Variants in LAMA1 observed in about 807,000 individuals in gnomAD.
LAMA1 encodes laminin subunit alpha-1.
A neutral mutation model predicts 348.7 loss-of-function variants in LAMA1; 219 were observed. That is an observed-to-expected ratio of 0.63 (90% confidence interval 0.56 to 0.70). The LOEUF (loss-of-function observed/expected upper bound fraction) is 0.70, where lower values mean the gene tolerates loss of function less well. Among genes scored for constraint, LAMA1 ranks in the 30% least tolerant of loss-of-function variants. The pLI is 0.00. For synonymous variants in LAMA1, 1,487 were observed against 1,491.0 expected, an observed-to-expected ratio of 1.00 and a Z score of 0.06; for missense variants, 3,744 against 3,888.0, an observed-to-expected ratio of 0.96 and a Z score of 0.99.
chr18:7,074,341 AAC>A (rs2058158302), intron 3 of LAMA1, among the ~76,000 whole-genome samples: 1 of 152,210 alleles, frequency 6.6e-6, no homozygotes, highest in African/African-American at 2.4e-5. Context: ...TTTTCATCTC[AAC>A]AGTGTATTAA....
At chr18:6,996,434 C>T (rs976846992) in intron 33 of LAMA1, among the ~76,000 whole-genome samples, 7 of 152,128 alleles carry the variant, frequency 4.6e-5, no homozygotes, top group African/African-American at 7.2e-5. Context: ...CAAATTCTAA[C>T]GCATATATAA....
intron 44 of LAMA1, among the ~76,000 whole-genome samples, chr18:6,976,334 T>A (rs2057682125): frequency 6.6e-6 from 1 of 152,204 alleles, no homozygotes; most frequent in Admixed American, 6.5e-5. Context: ...CTTGCTCATA[T>A]AAGATTTAAT....
intron 3 of LAMA1, among the ~76,000 whole-genome samples, chr18:7,065,250 A>AAAAAAAAC (rs1467543523): frequency 3.7e-4 from 56 of 149,946 alleles, no homozygotes; most frequent in African/African-American, 1.3e-3. Context: ...AAAAAAAAAA[A>AAAAAAAAC]AAACAACGAC....
chr18:6,945,599 T>C (rs2057518036), intron 61 of LAMA1, among the ~76,000 whole-genome samples: 1 of 152,028 alleles, frequency 6.6e-6, no homozygotes, highest in Non-Finnish European at 1.5e-5. Context: ...AAAATGTAGT[T>C]AGGTAGAGAG....
rs778084183 is a variant in LAMA1 at position 6,978,264 on chromosome 18, G to A, written c.6122C>T (p.Ala2041Val). Residue 2041 changes from alanine (A) to valine (V), a missense_variant, in exon 43 of 63, where the codon GCC (alanine) becomes GTC (valine). Around this residue, in one of 3 missense-constraint regions of LAMA1, gnomAD observed 1,983 missense variants for 1,934.3 expected, o/e 1.03. Transcript: ENST00000389658. Reference sequence around the variant, plus strand: ...TGTGGTGTTGACCCTGGACAGGCTGGCAGATGTGTTCAGCAGCTCCTGGCT... The same window carrying A: ...TGTGGTGTTGACCCTGGACAGGCTGACAGATGTGTTCAGCAGCTCCTGGCT... ...GLSQELLNTS[A>V]SLSRVNTTLR... The A allele has an allele frequency of 7.4e-6, 12 of 1,614,098 alleles. No individual in the cohort carries two copies. The Admixed American group carries it at 2.0e-4, about 27-fold the overall frequency.
chr18:6,985,139 A>G, intron 39 of LAMA1, 98 bp downstream of exon 39: 1 of 1,427,194 alleles, frequency 7.0e-7, no homozygotes, highest in Non-Finnish European at 9.9e-7. Flanking sequence ...ATTTTTACAC[A>G]AAGGAAGAGT....
rs762965770 is a variant in LAMA1, at chr18:7,105,441, AAAATAAATAAAT to A, written c.61+12207_61+12218del. Among the ~76,000 whole-genome samples the A allele has an allele frequency of 4.3e-3, 623 of 144,362 alleles. 1 individual carries two copies. Among genetic ancestry groups the A allele is most frequent in the Non-Finnish European group, 5.6e-3 (373 of 67,182 alleles). The allele number at this position is 144,362 out of a possible 152,430, so 94.7% of individuals were successfully genotyped here. A position where few individuals can be genotyped will look rare whatever the true frequency, so the allele number is the denominator to read the frequency against. ...GCGACAGAGTGAGACTTCATCTCAA[AAAATAAATAAAT>A]AAATAAATAAATAAATAAATAAATA... On this transcript the variant is annotated intron_variant, in intron 1 of 62. Transcript: ENST00000389658.
intron 1 of LAMA1, among the ~76,000 whole-genome samples, chr18:7,096,676 C>A (rs1194518226): frequency 2.0e-5 from 3 of 152,098 alleles, no homozygotes; most frequent in Non-Finnish European, 4.4e-5. Context: ...ATCTCTCCCC[C>A]ACCCCATTCC....
intron 3 of LAMA1, among the ~76,000 whole-genome samples, chr18:7,053,842 G>A (rs914785598): frequency 1.1e-4 from 16 of 150,272 alleles, no homozygotes; most frequent in Admixed American, 7.3e-4. Context: ...GGAGTGCAAT[G>A]GCACGATATC....
rs2144141701 is a variant in LAMA1, at chr18:7,023,295, G to A, written c.2570C>T (p.Pro857Leu). 6.2e-7 allele frequency: 1 copy of A among 1,614,154 alleles called. No individual in the cohort carries two copies. Among genetic ancestry groups the A allele is most frequent in the East Asian group, 2.2e-5 (1 of 44,866 alleles). Residue 857 changes from proline to leucine, a missense_variant, in exon 19 of 63, where the codon CCC (proline) becomes CTC (leucine). Physicochemically the swap from Pro to Leu is moderately conservative, Grantham distance 98. Transcript: ENST00000389658. Reference protein sequence around the residue: ...VPCDCSGNVDPSEAGHCDSVT... With the variant: ...VPCDCSGNVDLSEAGHCDSVT... ...TGAGTCACAGTGACCAGCCTCCGAG[G>A]GGTCCACGTTGCCGCTGCAGTCACA...
chr18:6,979,432 C>A (rs1019900010), intron 42 of LAMA1, among the ~76,000 whole-genome samples: 1 of 152,118 alleles, frequency 6.6e-6, no homozygotes. Flanking sequence ...CTTTGGGAGA[C>A]CAAGGCAAGA....
chr18:7,097,350 TA>T (rs1335253643), intron 1 of LAMA1, among the ~76,000 whole-genome samples: 4 of 152,016 alleles, frequency 2.6e-5, no homozygotes, highest in African/African-American at 9.7e-5. Flanking sequence ...AGAAAACCTA[TA>T]AAAATTTTGG....
chr18:6,956,742 A>G lies in LAMA1; in HGVS notation c.7988T>C (p.Val2663Ala). 6.2e-7 allele frequency: 1 copy of G among 1,614,230 alleles called. No homozygotes were observed. ...NLELLDFNSAVGHEQVDLDTC... is the reference protein window; with the variant it reads ...NLELLDFNSAAGHEQVDLDTC... The stretch of plus-strand genomic sequence containing the variant: ...GTCCAGGTCGACTTGCTCATGGCCA[A>G]CTGCACTGTTGAAATCCAAAAGTCT... Residue 2663 changes from valine to alanine, a missense_variant, in exon 56 of 63, where the codon GTT becomes GCT. Val to Ala is a moderately conservative substitution (Grantham distance 64, BLOSUM62 0). Around this residue, in one of 3 missense-constraint regions of LAMA1, gnomAD observed 1,983 missense variants for 1,934.3 expected, o/e 1.03. Coordinates refer to ENST00000389658, the MANE Select transcript of LAMA1 (RefSeq NM_005559.4).
chr18:7,021,035 GTC>G lies in LAMA1; in HGVS notation c.2701+2127_2701+2128del, dbSNP rs1038956434. On this transcript the variant is annotated intron_variant, in intron 19 of 62. Transcript: ENST00000389658. The stretch of plus-strand genomic sequence containing the variant: ...TATCAGCCCGAGACCTCCCCTCCCT[GTC>G]TCTGTCTTTTCCATTCTGGTCACTC... 3.5e-4 allele frequency among the ~76,000 whole-genome samples: 53 copies of G among 152,226 alleles called. 1 individual carries two copies. Among genetic ancestry groups the G allele is most frequent in the Middle Eastern group, 3.4e-3 (1 of 294 alleles).
chr18:6,970,332 A>G (rs962712053), intron 48 of LAMA1, among the ~76,000 whole-genome samples: 3 of 152,222 alleles, frequency 2.0e-5, no homozygotes, highest in Non-Finnish European at 4.4e-5. Flanking sequence ...ACATCACTGT[A>G]GGAGACCAGT....
intron 35 of LAMA1, among the ~76,000 whole-genome samples, chr18:6,993,094 A>G (rs1472321432): frequency 6.6e-6 from 1 of 152,216 alleles, no homozygotes; most frequent in East Asian, 1.9e-4. Flanking sequence ...TTTTTTTATT[A>G]AGTATACTTT....
chr18:7,034,527 T>C lies in LAMA1; in HGVS notation c.2003A>G (p.His668Arg), dbSNP rs2057985660. ...QLMTVLANVT[H>R]LLIRANYNSA... ...ATTGTAGTTGGCTCTGATCAAAAGA[T>C]GTGTCACATTGGCAAGGACAGTCAT... The change falls in exon 14 of 63, where the codon CAT (histidine) becomes CGT (arginine). Residue 668 changes from histidine (H) to arginine (R), a missense_variant. By Grantham distance (29) the His-to-Arg change is conservative. Coordinates refer to ENST00000389658, the MANE Select transcript of LAMA1 (RefSeq NM_005559.4). 3 of 1,614,050 alleles carry C rather than the reference T, an allele frequency of 1.9e-6. No individual in the cohort carries two copies. The highest frequency in any genetic ancestry group is 2.7e-5 in the African/African-American group (2 of 74,938).
chr18:7,081,566 C>T (rs1269041960), intron 1 of LAMA1, among the ~76,000 whole-genome samples: 1 of 152,194 alleles, frequency 6.6e-6, no homozygotes, highest in African/African-American at 2.4e-5. Flanking sequence ...TATCTTTAAG[C>T]AGCCAAGATC....
At chr18:7,046,472 G>A in intron 5 of LAMA1, 105 bp from the exon 6 acceptor site, 7 of 649,186 alleles carry the variant, frequency 1.1e-5, no homozygotes, top group Non-Finnish European at 1.4e-5. Flanking sequence ...AGTTTTTATT[G>A]GTAATCTAAA....
Sources: allele counts gnomAD v4.1 joint callset (sites outside exome capture counted in the v4.1 genomes callset), GRCh38; gene constraint gnomAD v4.1.1; regional missense constraint gnomAD v4.1.1; transcripts MANE v1.5; gene names NCBI Gene and HGNC (gene_info 2026-07-23, HGNC 2026-07-21).